The following TET1 variants were observed in gnomAD, a reference collection of about 807,000 sequenced individuals.
TET1 encodes the protein tet methylcytosine dioxygenase 1, also known as methylcytosine dioxygenase TET1.
TET1 carries 13 observed loss-of-function variants against 148.7 expected under a neutral mutation model. The observed-to-expected ratio is 0.09, with a 90% CI of 0.06 to 0.14. TET1 has a LOEUF of 0.14. TET1 is among the 10% of genes least tolerant of loss of function. The probability of loss-of-function intolerance (pLI) is 1.00; values close to 1 mark genes in which losing one functional copy is unlikely to be tolerated. For synonymous variants in TET1, 907 were observed against 937.2 expected (o/e 0.97, Z 0.59); for missense variants, 2,182 against 2,553.8 (o/e 0.85, Z 3.14).
At chr10:68,632,648 A>G in intron 3 of TET1, 4 of 1,591,094 alleles carry the variant, frequency 2.5e-6, no homozygotes, top group South Asian at 1.1e-5. Flanking sequence ...ATTGCCAGAG[A>G]AGAAATTAAA....
chr10:68,663,727 C>T (rs1288278085), intron 6 of TET1, among the ~76,000 whole-genome samples: 1 of 152,150 alleles, frequency 6.6e-6, no homozygotes, highest in African/African-American at 2.4e-5. Context: ...TATTTTTGTA[C>T]ACACAGAACA....
In TET1 at chr10:68,691,789, C is replaced by T. The variant is rs768089885; in HGVS notation, c.6386C>T (p.Ala2129Val). The T allele has an allele frequency of 1.9e-5, 30 of 1,613,268 alleles. No homozygotes were observed. Among genetic ancestry groups the T allele is most frequent in the African/African-American group, 4.0e-5 (3 of 74,908 alleles). Residue 2129 changes from alanine (A) to valine (V), a missense_variant, in exon 12 of 12, where the codon GCG becomes GTG. Ala to Val is a moderately conservative substitution (Grantham distance 64). Around this residue, in one of 11 missense-constraint regions of TET1, gnomAD observed 20 missense variants for 42.3 expected, o/e 0.47. Transcript: ENST00000373644. The surrounding 1 kb of genome is among the most constrained non-coding windows in gnomAD (Gnocchi z 4.4). ...TVSPYALTHV[A>V]GPYNHWV ...TCCCCTTATGCTCTCACACACGTTG[C>T]GGGGCCCTATAACCATTGGGTCTGA...
chr10:68,662,261 G>A (rs1485196257), intron 6 of TET1, among the ~76,000 whole-genome samples: 1 of 151,960 alleles, frequency 6.6e-6, no homozygotes, highest in Non-Finnish European at 1.5e-5. Context: ...CACCCGCCTT[G>A]ACCTCCCAAA....
In TET1 at chr10:68,630,578, G is replaced by A. The variant is rs192525407; in HGVS notation, c.1969-14120G>A. Among the ~76,000 whole-genome samples the A allele has an allele frequency of 2.0e-3, 310 of 152,326 alleles. 4 individuals are homozygous for A. Among genetic ancestry groups the A allele is most frequent in the African/African-American group, 7.1e-3 (296 of 41,584 alleles). The stretch of plus-strand genomic sequence containing the variant: ...GGTCTGTTTGCCTCGGCCTCCCAAA[G>A]CGCTGGGATTACAGGCATCAGCCAC... On this transcript the variant is annotated intron_variant, in intron 3 of 11. Coordinates refer to ENST00000373644, the MANE Select transcript of TET1 (RefSeq NM_030625.3).
At chr10:68,600,844 G>A in intron 2 of TET1, 137 bp from the exon 3 acceptor site, 1 of 703,574 alleles carries the variant, frequency 1.4e-6, no homozygotes, top group South Asian at 1.7e-5. Flanking sequence ...AAGCTCTTTA[G>A]GTTCTGCCTA....
In TET1 at chr10:68,619,411, G is replaced by A. The variant is rs536011618; in HGVS notation, c.1968+18377G>A. On this transcript the variant is annotated intron_variant, in intron 3 of 11. Transcript: ENST00000373644. ...CACCTGGCTTTTTAAAATATTTTTT[G>A]TAGAGACAGAGGGGTCTCACTTTTT... Among the ~76,000 whole-genome samples the A allele has an allele frequency of 5.5e-4, 83 of 152,100 alleles. 1 individual carries two copies. The highest frequency in any genetic ancestry group is 1.7e-3 in the African/African-American group (72 of 41,498).
intron 3 of TET1, among the ~76,000 whole-genome samples, chr10:68,602,715 G>A (rs907561831): frequency 2.0e-5 from 3 of 152,158 alleles, no homozygotes; most frequent in Admixed American, 1.3e-4. Context: ...CCTGTGGGTG[G>A]CCACATTTCA....
chr10:68,618,234 T>C (rs2664420), intron 3 of TET1, among the ~76,000 whole-genome samples: 40,454 of 152,064 alleles, frequency 0.27, 5,760 homozygotes, highest in African/African-American at 0.35. Flanking sequence ...GATCAATATC[T>C]GATTGCACAG....
intron 6 of TET1, among the ~76,000 whole-genome samples, chr10:68,655,489 A>G (rs1010538694): frequency 3.3e-5 from 5 of 152,202 alleles, no homozygotes; most frequent in Admixed American, 3.3e-4. Flanking sequence ...TAAGGAATGA[A>G]TATGTCCTCA....
chr10:68,577,713 G>A (rs2053748919), intron 2 of TET1, among the ~76,000 whole-genome samples: 1 of 152,150 alleles, frequency 6.6e-6, no homozygotes, highest in African/African-American at 2.4e-5. Context: ...GGAGGCTAAG[G>A]CAGGAGAATC....
chr10:68,596,019 C>CATATATATATATAT (rs1564959051), intron 2 of TET1, among the ~76,000 whole-genome samples: 1 of 108,268 alleles, frequency 9.2e-6, no homozygotes, highest in African/African-American at 4.2e-5. Flanking sequence ...CACACACACA[C>CATATATATATATAT]ACACACACAT....
chr10:68,647,329 C>T (rs1305548509), intron 4 of TET1, among the ~76,000 whole-genome samples: 1 of 152,172 alleles, frequency 6.6e-6, no homozygotes. Flanking sequence ...GTAGGCCAGG[C>T]GCAATGGCTC....
chr10:68,601,186 C>T (rs1439400761), intron 3 of TET1, 152 bp downstream of exon 3: 10 of 656,400 alleles, frequency 1.5e-5, no homozygotes, highest in Non-Finnish European at 2.3e-5. Flanking sequence ...TGTTTTCTCT[C>T]TCTTTTTTTT....
chr10:68,582,623 C>T (rs530718727), intron 2 of TET1, among the ~76,000 whole-genome samples: 2 of 152,266 alleles, frequency 1.3e-5, no homozygotes, highest in African/African-American at 4.8e-5. Flanking sequence ...GCTGTCATTT[C>T]AGAATTACTT....
At chr10:68,623,987 T>C (rs2054411303) in intron 3 of TET1, among the ~76,000 whole-genome samples, 1 of 152,256 alleles carries the variant, frequency 6.6e-6, no homozygotes. Context: ...GACATTTCCA[T>C]ATTTTTCAGC....
Position 68,645,366 on chromosome 10 carries a change from G to A in TET1, c.2637G>A (p.Ser879=), listed in dbSNP as rs574835128. 1.4e-5 allele frequency: 22 copies of A among 1,614,094 alleles called. No individual in the cohort carries two copies. Among genetic ancestry groups the A allele is most frequent in the South Asian group, 5.5e-5 (5 of 91,084 alleles). ...DGSPVQPSLL[S]LMKDRRLTLE... ...CTCCCGTTCAACCAAGTCTCTTATC[G>A]TTAATGAAAGATAGGAGATTAACAT... is the stretch of plus-strand genomic sequence containing the variant. Residue 879 remains serine, a synonymous_variant, in exon 4 of 12, where the codon TCG becomes TCA. Coordinates refer to ENST00000373644, the MANE Select transcript of TET1 (RefSeq NM_030625.3).
chr10:68,600,095 T>C (rs1484487875), intron 2 of TET1, among the ~76,000 whole-genome samples: 2 of 152,134 alleles, frequency 1.3e-5, no homozygotes, highest in Admixed American at 1.3e-4. Flanking sequence ...GCCCAACAGC[T>C]GAGCCTACAC....
chr10:68,600,287 A>G (rs1208439661), intron 2 of TET1, among the ~76,000 whole-genome samples: 1 of 152,084 alleles, frequency 6.6e-6, no homozygotes, highest in African/African-American at 2.4e-5. Flanking sequence ...TGCCCTCGGA[A>G]CCGCCAAGAG....
At chr10:68,672,297 T>G (rs2055282680) in intron 7 of TET1, among the ~76,000 whole-genome samples, 1 of 151,654 alleles carries the variant, frequency 6.6e-6, no homozygotes, top group East Asian at 1.9e-4. Flanking sequence ...GAGACCAGCC[T>G]GGCCAACCTG....
Sources: allele counts gnomAD v4.1 joint callset (sites outside exome capture counted in the v4.1 genomes callset), GRCh38; gene constraint gnomAD v4.1.1; regional missense constraint gnomAD v4.1.1; non-coding constraint Gnocchi (gnomAD v3.1); transcripts MANE v1.5; gene names NCBI Gene and HGNC (gene_info 2026-07-23, HGNC 2026-07-21).